MLLT3: variants seen among roughly 807,000 people sequenced by gnomAD.
The protein encoded by MLLT3 is protein AF-9.
MLLT3 carries 4 observed loss-of-function variants against 53.2 expected under a neutral mutation model. The ratio of observed to expected loss-of-function variants is 0.08; its 90% CI spans 0.04 to 0.17. MLLT3 has a LOEUF of 0.17. Among genes scored for constraint, MLLT3 ranks in the 10% least tolerant of loss-of-function variants. MLLT3 has a pLI of 1.00. For missense variants in MLLT3, 569 were observed against 684.0 expected, an observed-to-expected ratio of 0.83 and a Z score of 1.87; for synonymous variants, 283 against 230.6, an observed-to-expected ratio of 1.23 and a Z score of -2.06.
At chr9:20,427,580 A>G (rs898756852) in intron 4 of MLLT3, among the ~76,000 whole-genome samples, 4 of 152,038 alleles carry the variant, frequency 2.6e-5, no homozygotes, top group African/African-American at 9.6e-5. Context: ...ATGAATCTAC[A>G]GATAAACCAA....
chr9:20,465,631 G>A (rs1242356183), intron 2 of MLLT3, among the ~76,000 whole-genome samples: 1 of 152,088 alleles, frequency 6.6e-6, no homozygotes, highest in African/African-American at 2.4e-5. Context: ...ACACCAAAAC[G>A]TGATGGCTCA....
rs748649768 is a variant in MLLT3, at chr9:20,622,234, C to G, written c.12+11G>C. ...GGGAGGGCTTTTATTATTATTTTTG[C>G]GCGTACTTACCGAGCTAGCCATGCC... On this transcript the variant is annotated intron_variant, in intron 1 of 10. Transcript: ENST00000380338. 1.0e-5 allele frequency: 16 copies of G among 1,601,894 alleles called. No individual in the cohort carries two copies. In the South Asian group the frequency reaches 1.7e-4, roughly 17 times the overall value.
At chr9:20,438,675 T>C (rs998643028) in intron 4 of MLLT3, among the ~76,000 whole-genome samples, 3 of 152,120 alleles carry the variant, frequency 2.0e-5, no homozygotes, top group African/African-American at 7.2e-5. Flanking sequence ...CCTCAAGTGA[T>C]CCTCCTGCCC....
intron 5 of MLLT3, among the ~76,000 whole-genome samples, chr9:20,369,484 TA>T (rs1434432685): frequency 9.9e-5 from 15 of 152,224 alleles, no homozygotes; most frequent in Non-Finnish European, 2.1e-4. Context: ...AATTGCCACT[TA>T]ATGAAAACAT....
At chr9:20,603,316 C>G (rs1265626738) in intron 2 of MLLT3, among the ~76,000 whole-genome samples, 1 of 152,052 alleles carries the variant, frequency 6.6e-6, no homozygotes, top group Non-Finnish European at 1.5e-5. Context: ...CCTGTTTCAG[C>G]TCTGATCTCA....
intron 5 of MLLT3, among the ~76,000 whole-genome samples, chr9:20,381,606 C>T (rs768731068): frequency 1.4e-4 from 21 of 151,848 alleles, no homozygotes; most frequent in Admixed American, 2.6e-4. Flanking sequence ...AATACATGTA[C>T]TTGCATGAGA....
chr9:20,541,701 G>A (rs1357726579), intron 2 of MLLT3, among the ~76,000 whole-genome samples: 1 of 152,182 alleles, frequency 6.6e-6, no homozygotes, highest in African/African-American at 2.4e-5. Context: ...AGGACATAGA[G>A]CCAAACCCTA....
chr9:20,540,904 G>C (rs1320934564), intron 2 of MLLT3, among the ~76,000 whole-genome samples: 1 of 152,198 alleles, frequency 6.6e-6, no homozygotes, highest in Non-Finnish European at 1.5e-5. Flanking sequence ...TTAAACATAA[G>C]TTCGAATTTC....
At chr9:20,456,628 A>G (rs918940343) in intron 3 of MLLT3, 76 bp downstream of exon 3, 2 of 1,026,636 alleles carry the variant, frequency 1.9e-6, no homozygotes. Flanking sequence ...AGTGCTTATG[A>G]GTCAAAATTA....
intron 2 of MLLT3, among the ~76,000 whole-genome samples, chr9:20,543,924 A>C (rs565456062): frequency 6.7e-6 from 1 of 149,926 alleles, no homozygotes; most frequent in East Asian, 2.0e-4. Flanking sequence ...TTATCTGCAA[A>C]GCGTAATAAA....
At chr9:20,372,982 T>C (rs12346860) in intron 5 of MLLT3, among the ~76,000 whole-genome samples, 1,665 of 152,336 alleles carry the variant, frequency 0.011, 10 homozygotes, top group Non-Finnish European at 0.015. Flanking sequence ...TTGTGCTATT[T>C]GCTTTATTAC....
chr9:20,379,661 T>A (rs1821858643), intron 5 of MLLT3, among the ~76,000 whole-genome samples: 1 of 152,066 alleles, frequency 6.6e-6, no homozygotes, highest in Non-Finnish European at 1.5e-5. Context: ...TTAAAAACAA[T>A]AAGAAGGTAC....
intron 2 of MLLT3, among the ~76,000 whole-genome samples, chr9:20,558,692 C>A (rs1453632040): frequency 1.3e-5 from 2 of 152,170 alleles, no homozygotes; most frequent in Non-Finnish European, 2.9e-5. Context: ...TTTAAACAAA[C>A]CCCCAGGGAA....
At chr9:20,387,114 C>T (rs1289229184) in intron 5 of MLLT3, among the ~76,000 whole-genome samples, 1 of 152,180 alleles carries the variant, frequency 6.6e-6, no homozygotes, top group African/African-American at 2.4e-5. Flanking sequence ...CAGGCTTTTC[C>T]TATAAAAGAC....
intron 5 of MLLT3, among the ~76,000 whole-genome samples, chr9:20,377,731 G>C (rs1374647228): frequency 6.6e-6 from 1 of 152,042 alleles, no homozygotes; most frequent in Non-Finnish European, 1.5e-5. Flanking sequence ...GTGAAACCTG[G>C]ATTTACTATC....
intron 5 of MLLT3, chr9:20,380,388 C>G (rs1044649088): frequency 6.6e-6 from 1 of 151,892 alleles, no homozygotes; most frequent in East Asian, 1.9e-4. Context: ...GGTTAGGGAT[C>G]GTTTCTGAAT....
intron 7 of MLLT3, among the ~76,000 whole-genome samples, chr9:20,361,425 C>T (rs1011266398): frequency 6.6e-6 from 1 of 152,098 alleles, no homozygotes; most frequent in Non-Finnish European, 1.5e-5. Flanking sequence ...AGCCCTGCAC[C>T]GCTGACAGCA....
intron 4 of MLLT3, among the ~76,000 whole-genome samples, chr9:20,444,349 T>C (rs902827434): frequency 2.0e-5 from 3 of 152,172 alleles, no homozygotes; most frequent in African/African-American, 7.2e-5. Context: ...CACTTGGTCC[T>C]TTTGCTTAAA....
chr9:20,355,629 G>A (rs1483666884), intron 8 of MLLT3, among the ~76,000 whole-genome samples: 1 of 152,148 alleles, frequency 6.6e-6, no homozygotes, highest in East Asian at 1.9e-4. Flanking sequence ...AGGATTAAAA[G>A]GGAAGTATTT....
Sources: gnomAD v4.1 joint callset for allele counts (sites outside exome capture counted in the v4.1 genomes callset) on GRCh38, gnomAD v4.1.1 for gene constraint, MANE v1.5 for transcripts, NCBI Gene and HGNC (gene_info 2026-07-23, HGNC 2026-07-21) for gene names.